AK5: variants seen among roughly 807,000 people sequenced by gnomAD.
The protein encoded by AK5 is adenylate kinase isoenzyme 5.
A neutral mutation model predicts 69.5 loss-of-function variants in AK5; 27 were observed. The ratio of observed to expected loss-of-function variants is 0.39; its 90% CI spans 0.29 to 0.54. The LOEUF (loss-of-function observed/expected upper bound fraction) is 0.54, where lower values mean the gene tolerates loss of function less well. Ranked by LOEUF, AK5 falls within the 20% of genes least tolerant of loss-of-function variation. AK5 has a pLI of 0.71. For synonymous variants in AK5, 260 were observed against 244.4 expected (o/e 1.06, Z -0.60); for missense variants, 531 against 700.4 (o/e 0.76, Z 2.73).
chr1:77,343,263 T>A (rs184660980), intron 6 of AK5, among the ~76,000 whole-genome samples: 29 of 152,302 alleles, frequency 1.9e-4, no homozygotes, highest in Non-Finnish European at 3.7e-4. Context: ...CTGCACAAAG[T>A]TCTTAAGGGC....
At chr1:77,397,718 G>C (rs770607946) in intron 6 of AK5, among the ~76,000 whole-genome samples, 15 of 152,058 alleles carry the variant, frequency 9.9e-5, no homozygotes, top group Non-Finnish European at 2.2e-4. Flanking sequence ...AACATAGTGA[G>C]ACCTTGTCTC....
At chr1:77,327,281 A>C (rs1660854049) in intron 5 of AK5, among the ~76,000 whole-genome samples, 1 of 151,738 alleles carries the variant, frequency 6.6e-6, no homozygotes, top group Admixed American at 6.6e-5. Flanking sequence ...AGTCCCAGCT[A>C]TTCAAGAGCT....
intron 8 of AK5, among the ~76,000 whole-genome samples, chr1:77,444,621 C>T (rs11162347): frequency 0.14 from 8,822 of 63,458 alleles, 1,096 homozygotes; most frequent in South Asian, 0.2. Context: ...ATAGTATATA[C>T]ATAGTATAAA....
At chr1:77,416,038 C>T (rs1357992942) in intron 7 of AK5, among the ~76,000 whole-genome samples, 1 of 151,956 alleles carries the variant, frequency 6.6e-6, no homozygotes, top group African/African-American at 2.4e-5. Flanking sequence ...GGGAAAAATA[C>T]ATATATAGAT....
intron 6 of AK5, among the ~76,000 whole-genome samples, chr1:77,386,527 A>C (rs892897832): frequency 6.6e-6 from 1 of 152,224 alleles, no homozygotes; most frequent in African/African-American, 2.4e-5. Context: ...TGGCAGCAGC[A>C]TAAGATATGT....
intron 8 of AK5, among the ~76,000 whole-genome samples, chr1:77,461,956 C>T (rs1460515674): frequency 6.6e-6 from 1 of 152,034 alleles, no homozygotes; most frequent in Non-Finnish European, 1.5e-5. Flanking sequence ...ATATATACTG[C>T]AAAACGTGTG....
intron 8 of AK5, among the ~76,000 whole-genome samples, chr1:77,451,718 T>C (rs1410218448): frequency 6.6e-6 from 1 of 152,222 alleles, no homozygotes; most frequent in Non-Finnish European, 1.5e-5. Flanking sequence ...GTTTTCCAAA[T>C]CATTCTCTTC....
At chr1:77,350,096 G>A (rs1343146509) in intron 6 of AK5, among the ~76,000 whole-genome samples, 2 of 152,242 alleles carry the variant, frequency 1.3e-5, no homozygotes, top group Non-Finnish European at 2.9e-5. Context: ...ATACAAAGAT[G>A]ATGTGGAGCC....
chr1:77,367,341 T>C (rs1411572814), intron 6 of AK5, among the ~76,000 whole-genome samples: 2 of 150,708 alleles, frequency 1.3e-5, no homozygotes, highest in African/African-American at 2.4e-5. Flanking sequence ...CTGGTTTTTG[T>C]TTTTTGAGAC....
intron 12 of AK5, among the ~76,000 whole-genome samples, chr1:77,531,133 G>T (rs1340154574): frequency 6.6e-6 from 1 of 152,140 alleles, no homozygotes; most frequent in African/African-American, 2.4e-5. Flanking sequence ...TCCTTCTGAT[G>T]TTCGGATGTG....
intron 8 of AK5, among the ~76,000 whole-genome samples, chr1:77,441,982 C>T (rs891289744): frequency 1.3e-5 from 2 of 152,048 alleles, no homozygotes; most frequent in Admixed American, 1.3e-4. Flanking sequence ...GTGATTCTGC[C>T]CTGGGAGGCA....
In AK5 at chr1:77,558,698, G is replaced by C; in HGVS notation, c.*28G>C. The stretch of plus-strand genomic sequence containing the variant: ...GCAAAAATGCATGTTTGTTAGAATG[G>C]AAACAGAAAAACATTAAAAAGTTCA... On this transcript the variant is annotated 3_prime_UTR_variant, in exon 14 of 14. Transcript: ENST00000354567. The C allele has an allele frequency of 6.9e-7, 1 of 1,456,096 alleles. No homozygotes were observed. Among genetic ancestry groups the C allele is most frequent in the Non-Finnish European group, 9.6e-7 (1 of 1,040,704 alleles). 90.2% of individuals were successfully genotyped at this position (1,456,096 alleles called of 1,614,324 possible).
intron 12 of AK5, among the ~76,000 whole-genome samples, chr1:77,526,407 C>A (rs1658286239): frequency 6.6e-6 from 1 of 151,856 alleles, no homozygotes. Flanking sequence ...CTCTGAGAGA[C>A]CCTCCAGGAA....
At chr1:77,290,015 G>A (rs897265385) in intron 2 of AK5, among the ~76,000 whole-genome samples, 9 of 152,028 alleles carry the variant, frequency 5.9e-5, no homozygotes, top group Non-Finnish European at 8.8e-5. Context: ...AATGGAAAAT[G>A]TAGGCTTAAT....
At chr1:77,423,466 C>T (rs542855420) in intron 8 of AK5, among the ~76,000 whole-genome samples, 2 of 152,050 alleles carry the variant, frequency 1.3e-5, no homozygotes, top group African/African-American at 4.8e-5. Context: ...AGTTGCTGCT[C>T]TATCCTAACA....
intron 10 of AK5, among the ~76,000 whole-genome samples, chr1:77,504,277 T>A (rs1244130578): frequency 6.6e-6 from 1 of 152,186 alleles, no homozygotes; most frequent in Non-Finnish European, 1.5e-5. Context: ...GCGAGAACAT[T>A]TTTAAATTTA....
chr1:77,355,444 A>C (rs2815337), intron 6 of AK5, among the ~76,000 whole-genome samples: 23,491 of 152,146 alleles, frequency 0.15, 2,303 homozygotes, highest in Non-Finnish European at 0.21. Context: ...AGGAAACTTC[A>C]GTTATCTCAA....
At chr1:77,424,077 G>A (rs141622317) in intron 8 of AK5, among the ~76,000 whole-genome samples, 37 of 152,160 alleles carry the variant, frequency 2.4e-4, no homozygotes, top group Admixed American at 2.1e-3. Context: ...ACAATTCCCC[G>A]GCCCCATACT....
In AK5 at chr1:77,479,729, A is replaced by C. The variant is rs79603292; in HGVS notation, c.1060-3588A>C. ...CTCAAAACCTAGTTTAATACTATGG[A>C]AAGTCACCTATGTCCCGTTGTGCAC... On this transcript the variant is annotated intron_variant, in intron 8 of 13. Coordinates refer to ENST00000354567, the MANE Select transcript of AK5 (RefSeq NM_174858.3). Among the ~76,000 whole-genome samples the C allele has an allele frequency of 7.5e-3, 1,144 of 152,328 alleles. 21 individuals are homozygous for C. The highest frequency in any genetic ancestry group is 0.032 in the East Asian group (168 of 5,178).
Sources: gnomAD v4.1 joint callset for allele counts (sites outside exome capture counted in the v4.1 genomes callset) on GRCh38, gnomAD v4.1.1 for gene constraint, MANE v1.5 for transcripts, NCBI Gene and HGNC (gene_info 2026-07-23, HGNC 2026-07-21) for gene names.